Variants in DNAH5 observed in about 807,000 individuals in gnomAD.
The protein encoded by DNAH5 is dynein axonemal heavy chain 5.
In DNAH5, 372 loss-of-function variants were observed where a neutral mutation model predicts 518.2. The observed-to-expected ratio is 0.72, with a 90% CI of 0.66 to 0.78. The LOEUF is 0.78. Among genes scored for constraint, DNAH5 ranks in the 30% least tolerant of loss-of-function variants. The pLI is 0.00. For synonymous variants in DNAH5, 2,039 were observed against 2,025.9 expected, an observed-to-expected ratio of 1.01 and a Z score of -0.17; for missense variants, 5,523 against 5,687.0, an observed-to-expected ratio of 0.97 and a Z score of 0.93.
chr5:13,991,523 G>A (rs1386085119), intron 1 of DNAH5, among the ~76,000 whole-genome samples: 1 of 149,452 alleles, frequency 6.7e-6, no homozygotes, highest in Non-Finnish European at 1.5e-5. Context: ...AGGAAGAGGA[G>A]GGGAGGAGGG....
intron 1 of DNAH5, among the ~76,000 whole-genome samples, chr5:13,999,988 A>T (rs1784238016): frequency 6.6e-6 from 1 of 152,260 alleles, no homozygotes; most frequent in South Asian, 2.1e-4. Flanking sequence ...ACACTAACAG[A>T]GAAATTACTG....
At position 13,811,681 on chromosome 5, in the gene DNAH5, C is replaced by G. The variant is rs1760739627; in HGVS notation, c.7373G>C (p.Ser2458Thr). 6.2e-7 allele frequency: 1 copy of G among 1,614,028 alleles called. No individual in the cohort carries two copies. The highest frequency in any genetic ancestry group is 8.5e-7 in the Non-Finnish European group (1 of 1,180,030). ...EVLEAFVITQ[S>T]INMLQGLIPL... ...AATCAGGCCTTGAAGCATGTTAATG[C>G]TCTGTGTGATGACAAAGGCCTCCAG... Residue 2458 changes from serine (S) to threonine (T), a missense_variant, in exon 44 of 79, where the codon AGC becomes ACC. Coordinates refer to ENST00000265104, the MANE Select transcript of DNAH5 (RefSeq NM_001369.3).
At chr5:13,968,103 T>C (rs535672790) in intron 1 of DNAH5, among the ~76,000 whole-genome samples, 6 of 152,134 alleles carry the variant, frequency 3.9e-5, no homozygotes, top group African/African-American at 1.4e-4. Context: ...TAAAAGGGGT[T>C]GAGTTCTTGA....
chr5:13,787,772 C>T (rs1333335585), intron 51 of DNAH5, among the ~76,000 whole-genome samples: 1 of 152,190 alleles, frequency 6.6e-6, no homozygotes, highest in Non-Finnish European at 1.5e-5. Flanking sequence ...GTGTCAGCTT[C>T]TTTCTGCAGA....
intron 76 of DNAH5, 24 bp downstream of exon 76, chr5:13,708,099 G>T: frequency 6.2e-7 from 1 of 1,610,618 alleles, no homozygotes; most frequent in South Asian, 1.1e-5. Context: ...TGAACAGGCA[G>T]AATAACAGCA....
chr5:13,950,280 T>C (rs1048872224), intron 1 of DNAH5, among the ~76,000 whole-genome samples: 65 of 151,940 alleles, frequency 4.3e-4, no homozygotes, highest in African/African-American at 1.6e-3. Context: ...CCCCAAACCA[T>C]GATACTTGTA....
At position 13,923,809 on chromosome 5, in the gene DNAH5, C is replaced by T. The variant is rs536174555; in HGVS notation, c.278-369G>A. Among the ~76,000 whole-genome samples the T allele has an allele frequency of 2.1e-4, 32 of 152,186 alleles. 1 individual carries two copies. The highest frequency in any genetic ancestry group is 3.4e-3 in the Middle Eastern group (1 of 294). On this transcript the variant is annotated intron_variant, in intron 3 of 78. Transcript: ENST00000265104. ...CTATAATCCCAGCACTTTGAGAGGC[C>T]GAGGCGGGCAGATCACCTGAGGTCA...
At chr5:13,905,775 CTCAA>C (rs899827964) in intron 12 of DNAH5, among the ~76,000 whole-genome samples, 10 of 152,212 alleles carry the variant, frequency 6.6e-5, no homozygotes, top group Non-Finnish European at 8.8e-5. Context: ...CTTCTTGGTA[CTCAA>C]TCAAAGAAGT....
chr5:13,765,309 AAAAG>A (rs1752371860), intron 59 of DNAH5, among the ~76,000 whole-genome samples: 1 of 152,236 alleles, frequency 6.6e-6, no homozygotes, highest in Non-Finnish European at 1.5e-5. Flanking sequence ...TAACAATGAA[AAAAG>A]AAAGACTGTC....
intron 12 of DNAH5, among the ~76,000 whole-genome samples, chr5:13,904,838 C>T (rs1007231679): frequency 2.0e-5 from 3 of 151,972 alleles, no homozygotes; most frequent in Admixed American, 2.0e-4. Flanking sequence ...TTGAGCCCAG[C>T]AGATCGAGGC....
chr5:13,851,791 C>T (rs1279956857), intron 30 of DNAH5, among the ~76,000 whole-genome samples: 1 of 151,964 alleles, frequency 6.6e-6, no homozygotes, highest in Non-Finnish European at 1.5e-5. Context: ...GGCAAGATGG[C>T]CGAATAGGAA....
chr5:14,006,786 G>A (rs1193456667), intron 1 of DNAH5, among the ~76,000 whole-genome samples: 2 of 152,186 alleles, frequency 1.3e-5, no homozygotes, highest in Non-Finnish European at 2.9e-5. Context: ...TAAATTCTAA[G>A]TGCTGTGGGC....
intron 68 of DNAH5, among the ~76,000 whole-genome samples, chr5:13,732,797 G>A (rs13354616): frequency 0.01 from 1,561 of 151,992 alleles, 34 homozygotes; most frequent in African/African-American, 0.036. Context: ...AATTTTAGTC[G>A]GATACAAACA....
intron 65 of DNAH5, among the ~76,000 whole-genome samples, chr5:13,750,076 A>G (rs1446072920): frequency 1.3e-5 from 2 of 152,198 alleles, no homozygotes; most frequent in African/African-American, 4.8e-5. Context: ...GAAGGGAGAG[A>G]GAAGGGGAGG....
intron 1 of DNAH5, among the ~76,000 whole-genome samples, chr5:13,939,251 T>G (rs866231904): frequency 2.0e-5 from 3 of 152,182 alleles, no homozygotes; most frequent in Non-Finnish European, 4.4e-5. Flanking sequence ...CTCACGTAAT[T>G]AAGGGCTGGA....
At chr5:13,713,848 T>C (rs936030472) in intron 75 of DNAH5, among the ~76,000 whole-genome samples, 1 of 152,074 alleles carries the variant, frequency 6.6e-6, no homozygotes, top group Non-Finnish European at 1.5e-5. Flanking sequence ...AAAAAAACTT[T>C]TGAAAATTAA....
intron 5 of DNAH5, among the ~76,000 whole-genome samples, chr5:13,921,475 T>TCACTCCCA (rs1554103993): frequency 5.0e-4 from 37 of 73,758 alleles, no homozygotes; most frequent in East Asian, 2.9e-3. Context: ...TATCTCTCTC[T>TCACTCCCA]CACACACACA....
chr5:13,802,874 G>A (rs1239272496), intron 47 of DNAH5, among the ~76,000 whole-genome samples: 1 of 151,942 alleles, frequency 6.6e-6, no homozygotes, highest in Non-Finnish European at 1.5e-5. Context: ...ATATTTCTGG[G>A]TATAATACAA....
chr5:13,963,407 A>G (rs1030289910), intron 1 of DNAH5, among the ~76,000 whole-genome samples: 21 of 151,906 alleles, frequency 1.4e-4, no homozygotes, highest in Non-Finnish European at 2.4e-4. Context: ...GCAAAACCCC[A>G]TCTCTACTAA....
Sources: gnomAD v4.1 joint callset for allele counts (sites outside exome capture counted in the v4.1 genomes callset) on GRCh38, gnomAD v4.1.1 for gene constraint, MANE v1.5 for transcripts, NCBI Gene and HGNC (gene_info 2026-07-23, HGNC 2026-07-21) for gene names.